The following KCNH5 variants were observed in gnomAD, a reference collection of about 807,000 sequenced individuals.
KCNH5 encodes the protein potassium voltage-gated channel subfamily H member 5.
In KCNH5, 46 loss-of-function variants were observed where a neutral mutation model predicts 96.1. The observed-to-expected ratio is 0.48, with a 90% CI of 0.38 to 0.61. The LOEUF (loss-of-function observed/expected upper bound fraction) is 0.61, where lower values mean the gene tolerates loss of function less well. KCNH5 is among the 20% of genes least tolerant of loss of function. KCNH5 has a pLI of 0.00. For missense variants in KCNH5, 907 were observed against 1,225.8 expected (o/e 0.74, Z 3.88); for synonymous variants, 439 against 449.8 (o/e 0.98, Z 0.30).
intron 10 of KCNH5, among the ~76,000 whole-genome samples, chr14:62,736,588 G>A (rs988534736): frequency 1.4e-4 from 21 of 151,920 alleles, no homozygotes; most frequent in South Asian, 2.1e-4. Flanking sequence ...CCCGCAGGCC[G>A]GAAAGATGTC....
At chr14:62,959,501 T>C (rs1341689828) in intron 6 of KCNH5, among the ~76,000 whole-genome samples, 2 of 152,084 alleles carry the variant, frequency 1.3e-5, no homozygotes, top group Non-Finnish European at 2.9e-5. Context: ...AGGTCCACAC[T>C]TTGTGCTTTG....
At chr14:62,719,896 G>T (rs1261580663) in intron 10 of KCNH5, among the ~76,000 whole-genome samples, 1 of 152,202 alleles carries the variant, frequency 6.6e-6, no homozygotes, top group African/African-American at 2.4e-5. Context: ...GCACATACAA[G>T]ATATTTACAT....
intron 6 of KCNH5, among the ~76,000 whole-genome samples, chr14:62,968,629 C>A (rs1029734357): frequency 1.3e-5 from 2 of 152,168 alleles, no homozygotes; most frequent in Non-Finnish European, 2.9e-5. Context: ...AAGATTATGT[C>A]ACAAAGGTTT....
At chr14:63,026,607 C>T (rs140039772) in intron 1 of KCNH5, among the ~76,000 whole-genome samples, 1 of 152,004 alleles carries the variant, frequency 6.6e-6, no homozygotes, top group Non-Finnish European at 1.5e-5. Context: ...TGAAAGAAAG[C>T]TTAACATCAC....
At chr14:62,841,480 G>A (rs10146673) in intron 8 of KCNH5, among the ~76,000 whole-genome samples, 16,389 of 152,148 alleles carry the variant, frequency 0.11, 1,113 homozygotes, top group East Asian at 0.29. Flanking sequence ...AGTATTCATG[G>A]TTTAATTTTT....
At chr14:62,733,600 C>T (rs1885096530) in intron 10 of KCNH5, among the ~76,000 whole-genome samples, 1 of 152,174 alleles carries the variant, frequency 6.6e-6, no homozygotes. Context: ...ACCCACATAA[C>T]TTAGCTTTTG....
chr14:62,814,009 T>C (rs1266633857), intron 8 of KCNH5, among the ~76,000 whole-genome samples: 1 of 152,104 alleles, frequency 6.6e-6, no homozygotes, highest in Non-Finnish European at 1.5e-5. Context: ...CCAGGAACAA[T>C]GTAGTGAATA....
At chr14:62,862,140 AC>A (rs1888048554) in intron 7 of KCNH5, among the ~76,000 whole-genome samples, 1 of 152,192 alleles carries the variant, frequency 6.6e-6, no homozygotes, top group African/African-American at 2.4e-5. Flanking sequence ...AACTTACATC[AC>A]TTTTTCTATT....
At position 63,001,392 on chromosome 14, in the gene KCNH5, G is replaced by A; in HGVS notation, c.372C>T (p.Phe124=). 1 of 1,612,744 alleles carries A rather than the reference G, an allele frequency of 6.2e-7. No homozygotes were observed. The highest frequency in any genetic ancestry group is 1.1e-5 in the South Asian group (1 of 90,758). Residue 124 remains phenylalanine (F), a synonymous_variant, in exon 4 of 11, where the codon TTC becomes TTT. Coordinates refer to ENST00000322893, the MANE Select transcript of KCNH5 (RefSeq NM_139318.5). Reference sequence around the variant, plus strand: ...ACGTAATATCCTTGAAAGTACACAGGAACAAGACCACCTTTTCATGTTCAT... The same window carrying A: ...ACGTAATATCCTTGAAAGTACACAGAAACAAGACCACCTTTTCATGTTCAT... ...IRNEHEKVVL[F]LCTFKDITLF... is the part of the protein sequence containing the mutation.
intron 6 of KCNH5, among the ~76,000 whole-genome samples, chr14:62,979,016 T>C (rs556465581): frequency 3.9e-4 from 60 of 152,328 alleles, no homozygotes; most frequent in African/African-American, 1.4e-3. Flanking sequence ...TTTAGTTCCA[T>C]CTAACTGAAG....
At chr14:62,863,590 T>A (rs1014442719) in intron 7 of KCNH5, among the ~76,000 whole-genome samples, 2 of 152,190 alleles carry the variant, frequency 1.3e-5, no homozygotes, top group African/African-American at 4.8e-5. Context: ...CAAGTATAGA[T>A]TAAAAGTTCA....
chr14:62,819,615 T>C (rs1414530856), intron 8 of KCNH5, among the ~76,000 whole-genome samples: 1 of 152,210 alleles, frequency 6.6e-6, no homozygotes, highest in Non-Finnish European at 1.5e-5. Flanking sequence ...TTTTATAATA[T>C]GTGAATTATA....
chr14:62,951,988 CA>C (rs1890016884), intron 6 of KCNH5, among the ~76,000 whole-genome samples: 1 of 124,328 alleles, frequency 8.0e-6, no homozygotes, highest in Non-Finnish European at 1.8e-5. Flanking sequence ...AAAAAGTAAA[CA>C]GTTAAGAATG....
chr14:63,001,014 T>A (rs10131734), intron 4 of KCNH5, among the ~76,000 whole-genome samples: 42,702 of 152,030 alleles, frequency 0.28, 7,098 homozygotes, highest in East Asian at 0.58. Context: ...GATGGAAATT[T>A]CAGTGAGCTG....
At chr14:63,038,833 T>A in intron 1 of KCNH5, among the ~76,000 whole-genome samples, 1 of 152,074 alleles carries the variant, frequency 6.6e-6, no homozygotes, top group Non-Finnish European at 1.5e-5. Flanking sequence ...TGATTCTTTT[T>A]AATTATCTTT....
chr14:62,830,813 A>G (rs1216485579), intron 8 of KCNH5, among the ~76,000 whole-genome samples: 1 of 151,460 alleles, frequency 6.6e-6, no homozygotes, highest in African/African-American at 2.4e-5. Flanking sequence ...TTTTTTCTGT[A>G]TATTACCAGA....
intron 7 of KCNH5, among the ~76,000 whole-genome samples, chr14:62,891,159 T>C (rs970176945): frequency 6.6e-6 from 1 of 152,272 alleles, no homozygotes; most frequent in South Asian, 2.1e-4. Context: ...TCAACCTAAA[T>C]GCCCATCAAT....
chr14:62,708,893 G>A (rs1021448294), intron 10 of KCNH5, among the ~76,000 whole-genome samples: 3 of 152,042 alleles, frequency 2.0e-5, no homozygotes, highest in Admixed American at 6.5e-5. Flanking sequence ...GTAATGAATT[G>A]CCACTTTTGT....
chr14:62,813,015 T>C (rs1886903414), intron 8 of KCNH5, among the ~76,000 whole-genome samples: 1 of 152,136 alleles, frequency 6.6e-6, no homozygotes, highest in South Asian at 2.1e-4. Flanking sequence ...TTCCCTTTCA[T>C]AAATCAAGTT....
Sources: gnomAD v4.1 joint callset for allele counts (sites outside exome capture counted in the v4.1 genomes callset) on GRCh38, gnomAD v4.1.1 for gene constraint, MANE v1.5 for transcripts, NCBI Gene and HGNC (gene_info 2026-07-23, HGNC 2026-07-21) for gene names.